ZNF521: variants seen among roughly 807,000 people sequenced by gnomAD.
ZNF521 encodes LYST-interacting protein 3.
Under a neutral mutation model 105.5 loss-of-function variants are expected in ZNF521, and 14 were observed. The observed-to-expected ratio is 0.13, with a 90% CI of 0.09 to 0.21. The LOEUF (loss-of-function observed/expected upper bound fraction) is 0.21, where lower values mean the gene tolerates loss of function less well. Ranked by LOEUF, ZNF521 falls within the 10% of genes least tolerant of loss-of-function variation. ZNF521 has a pLI of 1.00. For missense variants in ZNF521, 1,233 were observed against 1,629.7 expected (o/e 0.76, Z 4.19); for synonymous variants, 635 against 606.0 (o/e 1.05, Z -0.70).
intron 6 of ZNF521, among the ~76,000 whole-genome samples, chr18:25,090,162 C>T (rs1248275285): frequency 6.6e-6 from 1 of 152,092 alleles, no homozygotes; most frequent in Admixed American, 6.5e-5. Context: ...TTAATGACTA[C>T]AAAACAAGGC....
intron 2 of ZNF521, 119 bp from the exon 3 acceptor site, chr18:25,322,306 C>G (rs947491904): frequency 1.0e-6 from 1 of 965,308 alleles, no homozygotes; most frequent in Non-Finnish European, 1.7e-6. Flanking sequence ...AATAGGAGGG[C>G]TTCATTGCAG....
At chr18:25,199,456 C>T (rs2035955902) in intron 4 of ZNF521, among the ~76,000 whole-genome samples, 1 of 151,758 alleles carries the variant, frequency 6.6e-6, no homozygotes, top group South Asian at 2.1e-4. Flanking sequence ...TTATTAGATG[C>T]TATCGGGATG....
Position 25,113,163 on chromosome 18 carries a change from G to A in ZNF521, c.3659-21082C>T, listed in dbSNP as rs574833665. The stretch of plus-strand genomic sequence containing the variant: ...CAAAAGAAGTCAAATGCCTTCATCT[G>A]GCTCTACCCTATCATCCCCAAGGTG... On this transcript the variant is annotated intron_variant, in intron 5 of 7. Coordinates refer to ENST00000361524, the MANE Select transcript of ZNF521 (RefSeq NM_015461.3). Among the ~76,000 whole-genome samples the A allele has an allele frequency of 2.6e-5, 4 of 152,190 alleles. No homozygotes were observed. The South Asian group carries it at 8.3e-4, about 32-fold the overall frequency.
chr18:25,136,671 G>C (rs762958676), intron 5 of ZNF521: 2 of 152,214 alleles, frequency 1.3e-5, no homozygotes, highest in African/African-American at 4.8e-5. Flanking sequence ...ACTAGGCTAC[G>C]CTGTCTCTCC....
intron 5 of ZNF521, among the ~76,000 whole-genome samples, chr18:25,117,327 C>T (rs1010747673): frequency 1.6e-4 from 25 of 151,904 alleles, no homozygotes; most frequent in Non-Finnish European, 2.9e-5. Context: ...TCTGCTAAAA[C>T]AAAAATATCA....
intron 7 of ZNF521, among the ~76,000 whole-genome samples, chr18:25,084,132 A>G (rs957442534): frequency 1.3e-5 from 2 of 151,878 alleles, no homozygotes; most frequent in African/African-American, 2.4e-5. Flanking sequence ...CATGGGGACT[A>G]TAGCAGTATG....
intron 5 of ZNF521, among the ~76,000 whole-genome samples, chr18:25,155,688 CTG>C (rs1175236151): frequency 6.6e-6 from 1 of 152,144 alleles, no homozygotes; most frequent in Non-Finnish European, 1.5e-5. Context: ...CCTTTCCTCA[CTG>C]TGTCTTTTTG....
Position 25,195,259 on chromosome 18 carries a change from A to G in ZNF521, c.3574-15T>C. 1.3e-6 allele frequency: 2 copies of G among 1,557,958 alleles called. No homozygotes were observed. The highest frequency in any genetic ancestry group is 1.7e-6 in the Non-Finnish European group (2 of 1,149,224). On this transcript the variant is annotated splice_polypyrimidine_tract_variant and intron_variant, in intron 4 of 7. Transcript: ENST00000361524. ...TAGGTCTTCTTCTGAGAAAACAAGT[A>G]TAAACAGAGTTACTTAGACACATGG...
intron 5 of ZNF521, among the ~76,000 whole-genome samples, chr18:25,114,132 A>T (rs1600048960): frequency 6.6e-6 from 1 of 151,986 alleles, no homozygotes. Context: ...CCCTCCTCCC[A>T]ATTTCAGGGA....
chr18:25,275,829 C>G (rs1467777566), intron 3 of ZNF521, among the ~76,000 whole-genome samples: 2 of 152,074 alleles, frequency 1.3e-5, no homozygotes, highest in Non-Finnish European at 1.5e-5. Flanking sequence ...GCAGCTGTGC[C>G]CTTCCCCTTG....
At chr18:25,270,714 C>T (rs549816360) in intron 3 of ZNF521, among the ~76,000 whole-genome samples, 5 of 152,176 alleles carry the variant, frequency 3.3e-5, no homozygotes, top group African/African-American at 9.6e-5. Context: ...AGGCCTTTGA[C>T]AAAATTCAAC....
chr18:25,195,315 T>G, intron 4 of ZNF521, 71 bp from the exon 5 acceptor site: 2 of 1,254,746 alleles, frequency 1.6e-6, no homozygotes, highest in Non-Finnish European at 2.2e-6. Context: ...TTAAAAAACA[T>G]TTTTCTGAGA....
chr18:25,195,161 A>C lies in ZNF521; in HGVS notation c.3657T>G (p.Ile1219Met), dbSNP rs1240946474. 1.9e-6 allele frequency: 3 copies of C among 1,597,600 alleles called. No individual in the cohort carries two copies. Among genetic ancestry groups the C allele is most frequent in the Non-Finnish European group, 8.5e-7 (1 of 1,171,904 alleles). Reference protein sequence around the residue: ...DIQVHVANHMIDEGLNHECKL... With the variant: ...DIQVHVANHMMDEGLNHECKL... ...AATAAGGTTTAGAGTGTCACTCACC[A>C]ATCATGTGATTTGCAACATGAACCT... The change falls in exon 5 of 8, where the codon ATT (isoleucine) becomes ATG (methionine). Residue 1219 changes from isoleucine (I) to methionine (M), a missense_variant and splice_region_variant. Physicochemically the swap from Ile to Met is conservative, Grantham distance 10. Around this residue, in one of 6 missense-constraint regions of ZNF521, gnomAD observed 76 missense variants for 137.2 expected, o/e 0.55. Coordinates refer to ENST00000361524, the MANE Select transcript of ZNF521 (RefSeq NM_015461.3).
chr18:25,333,228 T>C (rs1207409460), intron 2 of ZNF521, among the ~76,000 whole-genome samples: 2 of 151,350 alleles, frequency 1.3e-5, no homozygotes, highest in African/African-American at 4.9e-5. Context: ...GGCTGATAAA[T>C]AAACACCTAT....
chr18:25,206,982 T>C (rs1257910599), intron 4 of ZNF521, among the ~76,000 whole-genome samples: 1 of 152,172 alleles, frequency 6.6e-6, no homozygotes, highest in African/African-American at 2.4e-5. Context: ...AATGTGCAAG[T>C]GGTAGGGTTC....
chr18:25,163,724 A>C (rs1292683252), intron 5 of ZNF521, among the ~76,000 whole-genome samples: 1 of 152,160 alleles, frequency 6.6e-6, no homozygotes, highest in Non-Finnish European at 1.5e-5. Context: ...TTGCCAAGTG[A>C]AAAAAAGAAA....
intron 5 of ZNF521, among the ~76,000 whole-genome samples, chr18:25,179,292 T>C (rs558058278): frequency 6.6e-6 from 1 of 151,772 alleles, no homozygotes; most frequent in African/African-American, 2.4e-5. Flanking sequence ...TAGCTAGGAT[T>C]ACACATGCCA....
chr18:25,083,721 A>T (rs1377097979), intron 7 of ZNF521, among the ~76,000 whole-genome samples: 1 of 151,448 alleles, frequency 6.6e-6, no homozygotes, highest in African/African-American at 2.4e-5. Flanking sequence ...TGGTGAATTT[A>T]AAAAGATGGA....
intron 7 of ZNF521, among the ~76,000 whole-genome samples, chr18:25,063,706 G>C (rs762148616): frequency 3.3e-5 from 5 of 152,104 alleles, no homozygotes; most frequent in African/African-American, 4.8e-5. Context: ...CTGGATGATG[G>C]TCACAGATCT....
Sources: allele counts gnomAD v4.1 joint callset (sites outside exome capture counted in the v4.1 genomes callset), GRCh38; gene constraint gnomAD v4.1.1; regional missense constraint gnomAD v4.1.1; transcripts MANE v1.5; gene names NCBI Gene and HGNC (gene_info 2026-07-23, HGNC 2026-07-21).